The following TUBGCP3 variants were observed in gnomAD, a reference collection of about 807,000 sequenced individuals.
TUBGCP3 encodes gamma-tubulin complex component 3.
In TUBGCP3, 50 loss-of-function variants were observed where a neutral mutation model predicts 123.1. The observed-to-expected ratio is 0.41, with a 90% confidence interval of 0.32 to 0.51. The LOEUF (loss-of-function observed/expected upper bound fraction) is 0.51, where lower values mean the gene tolerates loss of function less well. TUBGCP3 is among the 20% of genes least tolerant of loss of function. The pLI is 0.36. For missense variants in TUBGCP3, 882 were observed against 1,127.0 expected (o/e 0.78, Z 3.11); for synonymous variants, 405 against 413.9 (o/e 0.98, Z 0.26).
Position 112,556,145 on chromosome 13 carries a change from T to G in TUBGCP3, c.628A>C (p.Asn210His), listed in dbSNP as rs1395008363. The change falls in exon 6 of 22, where the codon AAT becomes CAT. Residue 210 changes from asparagine (N) to histidine (H), a missense_variant. Asn to His is a moderately conservative substitution (Grantham distance 68, BLOSUM62 1). Transcript: ENST00000261965. ...GSRLAWTLTA[N>H]QPSSQATTSK... ...GTAGTGGCTTGTGAAGAAGGCTGATTTGCAGTTAAAGTCCATGCGAGTCGT... is the reference window on the plus strand; with the variant it reads ...GTAGTGGCTTGTGAAGAAGGCTGATGTGCAGTTAAAGTCCATGCGAGTCGT... The G allele has an allele frequency of 2.5e-6, 4 of 1,614,026 alleles. No individual in the cohort carries two copies. The highest frequency in any genetic ancestry group is 2.5e-6 in the Non-Finnish European group (3 of 1,180,020).
chr13:112,584,657 T>C (rs1882490449), intron 1 of TUBGCP3, among the ~76,000 whole-genome samples: 1 of 152,254 alleles, frequency 6.6e-6, no homozygotes, highest in Non-Finnish European at 1.5e-5. Flanking sequence ...GAATATGCTG[T>C]GTACTGTAGT....
intron 20 of TUBGCP3, among the ~76,000 whole-genome samples, chr13:112,492,483 G>A (rs1248620218): frequency 2.0e-5 from 3 of 152,232 alleles, no homozygotes; most frequent in Admixed American, 6.5e-5. Flanking sequence ...AGATGCAAGC[G>A]AGGGCATCTC....
chr13:112,604,222 A>T, the TUBGCP3 span: 8 of 152,078 alleles, frequency 5.3e-5, no homozygotes, highest in Admixed American at 3.9e-4. Context: ...CAATTCATGC[A>T]TTCTTTTTAT....
At chr13:112,498,761 T>C (rs1405376743) in intron 20 of TUBGCP3, 1 of 1,530,418 alleles carries the variant, frequency 6.5e-7, no homozygotes. Context: ...ACGGGTGACA[T>C]CGGCATTGTG....
intron 11 of TUBGCP3, among the ~76,000 whole-genome samples, chr13:112,536,892 C>A (rs1039462875): frequency 1.3e-5 from 2 of 152,048 alleles, no homozygotes; most frequent in Non-Finnish European, 2.9e-5. Flanking sequence ...TGACCTCAGC[C>A]TCCCAAGAAG....
At chr13:112,592,887 A>C (rs943028347), upstream of TUBGCP3, among the ~76,000 whole-genome samples, 3 of 152,250 alleles carry the variant, frequency 2.0e-5, no homozygotes, top group Non-Finnish European at 4.4e-5. The surrounding 1 kb of genome is among the most constrained non-coding windows in gnomAD (Gnocchi z 4.1). Flanking sequence ...AAGATCCCAC[A>C]GGGCATTTGG....
chr13:112,583,335 T>C (rs190851068), intron 1 of TUBGCP3, among the ~76,000 whole-genome samples: 1 of 152,372 alleles, frequency 6.6e-6, no homozygotes, highest in East Asian at 1.9e-4. Context: ...AATTTGGTCT[T>C]CATCTTGAAG....
chr13:112,530,827 T>A (rs1877514464), intron 11 of TUBGCP3, among the ~76,000 whole-genome samples: 1 of 152,226 alleles, frequency 6.6e-6, no homozygotes, highest in Non-Finnish European at 1.5e-5. Flanking sequence ...AATCAGTATA[T>A]ACAAATATTA....
chr13:112,520,360 C>G (rs1876515063), intron 14 of TUBGCP3, among the ~76,000 whole-genome samples: 1 of 152,110 alleles, frequency 6.6e-6, no homozygotes, highest in African/African-American at 2.4e-5. Context: ...GAAATCCTAT[C>G]TCTACTAAAA....
At chr13:112,588,905 G>A (rs899456430), upstream of TUBGCP3, among the ~76,000 whole-genome samples, 2 of 152,248 alleles carry the variant, frequency 1.3e-5, no homozygotes, top group African/African-American at 4.8e-5. Context: ...ACACGTGACT[G>A]TCTGCAAAGC....
chr13:112,566,882 T>G (rs7997172), intron 2 of TUBGCP3, among the ~76,000 whole-genome samples: 1 of 152,168 alleles, frequency 6.6e-6, no homozygotes. Context: ...CATGATGACT[T>G]TTGCAATTTG....
chr13:112,509,009 C>T (rs1266132618), intron 17 of TUBGCP3, among the ~76,000 whole-genome samples: 1 of 152,216 alleles, frequency 6.6e-6, no homozygotes, highest in African/African-American at 2.4e-5. Context: ...TCATTATTCT[C>T]AACTACCTGA....
At position 112,488,354 on chromosome 13, in the gene TUBGCP3, A is replaced by C. The variant is rs181833958; in HGVS notation, c.2565+1227T>G. On this transcript the variant is annotated intron_variant, in intron 21 of 21. Transcript: ENST00000261965. ...TTTCATCTCTACTATCACTAAGATC[A>C]CATTGAGAAATGGAGGAAATGAGAA... Among the ~76,000 whole-genome samples, 229 of 107,800 alleles carry C rather than the reference A, an allele frequency of 2.1e-3. 1 individual carries two copies. Among genetic ancestry groups the C allele is most frequent in the African/African-American group, 6.8e-3 (201 of 29,420 alleles). The allele number at this position is 107,800 out of a possible 152,430, so 70.7% of individuals were successfully genotyped here.
At chr13:112,520,285 T>G (rs1435751401) in intron 14 of TUBGCP3, among the ~76,000 whole-genome samples, 2 of 152,162 alleles carry the variant, frequency 1.3e-5, no homozygotes, top group South Asian at 4.1e-4. Flanking sequence ...TCCCAGCACT[T>G]TGGGAGGCCA....
rs1566591489 is a variant in TUBGCP3 at position 112,576,728 on chromosome 13, C to A, written c.77-7469G>T. 5.3e-5 allele frequency among the ~76,000 whole-genome samples: 8 copies of A among 151,720 alleles called. No individual in the cohort carries two copies. In the South Asian group the frequency reaches 1.5e-3, roughly 28 times the overall value. On this transcript the variant is annotated intron_variant, in intron 1 of 21. Transcript: ENST00000261965. ...AATGAATTGAATGAAAATAAAAACA[C>A]AACATATCAAAATATGTGAGATGTG...
At chr13:112,580,193 T>G (rs772549003) in intron 1 of TUBGCP3, among the ~76,000 whole-genome samples, 9 of 152,206 alleles carry the variant, frequency 5.9e-5, no homozygotes, top group Non-Finnish European at 1.0e-4. Flanking sequence ...AGGAAATCAC[T>G]GTGAACCTAA....
At chr13:112,571,752 A>G in intron 1 of TUBGCP3, among the ~76,000 whole-genome samples, 1 of 152,212 alleles carries the variant, frequency 6.6e-6, no homozygotes, top group South Asian at 2.1e-4. Context: ...TAGTGTAGCC[A>G]CCTTCCCCAA....
chr13:112,570,994 C>A (rs1881348757), intron 1 of TUBGCP3, among the ~76,000 whole-genome samples: 1 of 152,194 alleles, frequency 6.6e-6, no homozygotes, highest in Non-Finnish European at 1.5e-5. Context: ...GTTCAGTTAC[C>A]TCTTCAAGAT....
At chr13:112,527,789 T>A (rs1028884572) in intron 11 of TUBGCP3, among the ~76,000 whole-genome samples, 2 of 152,236 alleles carry the variant, frequency 1.3e-5, no homozygotes, top group African/African-American at 4.8e-5. Flanking sequence ...GAGCTCTTCC[T>A]CAGTAACGGT....
Sources: allele counts gnomAD v4.1 joint callset (sites outside exome capture counted in the v4.1 genomes callset), GRCh38; gene constraint gnomAD v4.1.1; non-coding constraint Gnocchi (gnomAD v3.1); transcripts MANE v1.5; gene names NCBI Gene and HGNC (gene_info 2026-07-23, HGNC 2026-07-21).